MTG1: variants seen among roughly 807,000 people sequenced by gnomAD.
MTG1 encodes the protein mitochondrial ribosome associated GTPase 1.
MTG1 carries 30 observed loss-of-function variants against 39.5 expected under a neutral mutation model. That is an observed-to-expected ratio of 0.76 (90% CI 0.57 to 1.03). The LOEUF is 1.03. Ranked by LOEUF, MTG1 falls within the 50% of genes least tolerant of loss-of-function variation. The pLI is 0.00. For synonymous variants in MTG1, 217 were observed against 179.0 expected, an observed-to-expected ratio of 1.21 and a Z score of -1.69; for missense variants, 513 against 447.4, an observed-to-expected ratio of 1.15 and a Z score of -1.32.
At chr10:133,418,250 G>A (rs1371398877) in intron 9 of MTG1, among the ~76,000 whole-genome samples, 5 of 152,200 alleles carry the variant, frequency 3.3e-5, no homozygotes, top group Non-Finnish European at 4.4e-5. Context: ...CAAGTGATCC[G>A]TCCACCTTGG....
chr10:133,416,105 G>C (rs946793045), intron 9 of MTG1, among the ~76,000 whole-genome samples: 2 of 148,468 alleles, frequency 1.3e-5, no homozygotes, highest in African/African-American at 2.5e-5. Flanking sequence ...CTTTGTGCCT[G>C]TTTTGTGGTT....
intron 6 of MTG1, 123 bp downstream of exon 6, chr10:133,399,742 C>G: frequency 1.0e-6 from 1 of 958,998 alleles, no homozygotes; most frequent in Non-Finnish European, 1.6e-6. Context: ...CTGCTGACCC[C>G]GCAGCCCCAG....
intron 4 of MTG1, 99 bp from the exon 5 acceptor site, chr10:133,399,071 A>G: frequency 7.8e-7 from 1 of 1,281,516 alleles, no homozygotes; most frequent in South Asian, 1.2e-5. Context: ...GAAAGTGGAG[A>G]CACTGGAATC....
rs568715865 is a variant in MTG1, at chr10:133,411,788, G to C, written c.753-7692G>C. Among the ~76,000 whole-genome samples the C allele has an allele frequency of 5.3e-5, 8 of 149,758 alleles. No homozygotes were observed. The South Asian group carries it at 1.7e-3, about 32-fold the overall frequency. ...TTTTTTACTTCCAGGATTTCTGTTT[G>C]ATTTTTTTTTTTTAATTTCAATCTC... On this transcript the variant is annotated intron_variant, in intron 9 of 10. Coordinates refer to ENST00000317502, the MANE Select transcript of MTG1 (RefSeq NM_138384.4).
chr10:133,413,695 A>G (rs1850077814), intron 9 of MTG1, among the ~76,000 whole-genome samples: 2 of 152,192 alleles, frequency 1.3e-5, no homozygotes, highest in Admixed American at 1.3e-4. Context: ...TATGTCTTTA[A>G]GTGATGACCT....
chr10:133,415,968 CG>C (rs1458310361), intron 9 of MTG1, among the ~76,000 whole-genome samples: 2 of 99,714 alleles, frequency 2.0e-5, no homozygotes, highest in African/African-American at 3.2e-5. Flanking sequence ...ACGCGGGTGT[CG>C]GGCAGGCGGG....
rs560871049 is a variant in MTG1 at position 133,402,799 on chromosome 10, TG to T, written c.752+30del. On this transcript the variant is annotated intron_variant, in intron 9 of 10. Transcript: ENST00000317502. This position sits in a 1 kb window ranked among gnomAD's most constrained non-coding sequence, Gnocchi z 4.7. ...GTGAGTGCAGTGAATGCAGGGCAGC[TG>T]GGGCCCCTCCTCCTAGTCACCTCAT... The T allele has an allele frequency of 4.5e-3, 6,932 of 1,548,462 alleles. 50 individuals are homozygous for T. Among genetic ancestry groups the T allele is most frequent in the Non-Finnish European group, 4.0e-3 (4,585 of 1,142,622 alleles).
intron 6 of MTG1, among the ~76,000 whole-genome samples, chr10:133,400,616 A>G (rs2133496698): frequency 6.6e-6 from 1 of 152,296 alleles, no homozygotes; most frequent in East Asian, 1.9e-4. Flanking sequence ...TGTTACAGTC[A>G]TTTATTCTTT....
chr10:133,401,758 AGTC>A, intron 7 of MTG1, 168 bp downstream of exon 7: 1 of 729,370 alleles, frequency 1.4e-6, no homozygotes, highest in South Asian at 1.5e-5. Context: ...CTTATTCCAC[AGTC>A]GTCATAGTCT....
chr10:133,418,692 C>A (rs57816864), intron 9 of MTG1, among the ~76,000 whole-genome samples: 6,267 of 152,184 alleles, frequency 0.041, 403 homozygotes, highest in African/African-American at 0.14. Context: ...GGTCCGAGGG[C>A]ACCAGCCTCC....
rs772510315 is a variant in MTG1 at position 133,396,228 on chromosome 10, C to T, written c.243C>T (p.Val81=). 2.5e-6 allele frequency: 4 copies of T among 1,614,048 alleles called. No homozygotes were observed. The highest frequency in any genetic ancestry group is 3.4e-6 in the Non-Finnish European group (4 of 1,180,024). ...ETLGLKPHLL[V]LNKMDLADLT... ...TTGGGCTTAAGCCTCACTTGCTGGT[C>T]CTCAACAAGATGGACTTGGCGGATC... The change falls in exon 3 of 11, where the codon GTC becomes GTT. Residue 81 remains valine (V), a synonymous_variant. Transcript: ENST00000317502.
chr10:133,395,067 G>C (rs1163194430), intron 1 of MTG1, among the ~76,000 whole-genome samples: 1 of 152,204 alleles, frequency 6.6e-6, no homozygotes, highest in Non-Finnish European at 1.5e-5. Flanking sequence ...GGGGCCTAAT[G>C]AGCCAGTGTT....
In MTG1 at chr10:133,400,964, C is replaced by G. The variant is rs573431518; in HGVS notation, c.512-565C>G. 2.0e-5 allele frequency among the ~76,000 whole-genome samples: 3 copies of G among 152,326 alleles called. No homozygotes were observed. In the South Asian group the frequency reaches 6.2e-4, roughly 32 times the overall value. ...TGATCACCCCGTTGTGTGTACAGAC[C>G]ACATCCTGTCTTGTCCATTCATCTG... is the stretch of plus-strand genomic sequence containing the variant. On this transcript the variant is annotated intron_variant, in intron 6 of 10. Transcript: ENST00000317502.
chr10:133,415,983 C>CGGGCAGGCGGGTGTCA (rs541432761), intron 9 of MTG1, among the ~76,000 whole-genome samples: 4 of 102,574 alleles, frequency 3.9e-5, no homozygotes, highest in Admixed American at 3.4e-4. Flanking sequence ...AGGCGGGTGT[C>CGGGCAGGCGGGTGTCA]GGCACGCGGG....
At chr10:133,397,089 T>TG (rs1849794186) in intron 3 of MTG1, among the ~76,000 whole-genome samples, 2 of 152,376 alleles carry the variant, frequency 1.3e-5, no homozygotes, top group African/African-American at 4.8e-5. Flanking sequence ...CTCCCTGTGA[T>TG]GCTGTGCTTC....
intron 10 of MTG1, 113 bp from the exon 11 acceptor site, chr10:133,419,912 TG>T: frequency 7.8e-7 from 1 of 1,280,968 alleles, no homozygotes; most frequent in Non-Finnish European, 1.1e-6. Flanking sequence ...TCCCGTTCCC[TG>T]GGCTTCCCTG....
Position 133,407,320 on chromosome 10 carries a change from C to A in MTG1, c.752+4547C>A, listed in dbSNP as rs142234213. ...AAATTTTAGGATTGTTTTTCTATTT[C>A]TTTGCAGAGTGTCATTGCTATTTTG... On this transcript the variant is annotated intron_variant, in intron 9 of 10. Transcript: ENST00000317502. Among the ~76,000 whole-genome samples, 328 of 152,258 alleles carry A rather than the reference C, an allele frequency of 2.2e-3. 1 individual carries two copies. Among genetic ancestry groups the A allele is most frequent in the Non-Finnish European group, 4.1e-3 (281 of 68,014 alleles).
At chr10:133,397,530 G>A (rs932347202) in intron 3 of MTG1, among the ~76,000 whole-genome samples, 39 of 151,036 alleles carry the variant, frequency 2.6e-4, no homozygotes, top group African/African-American at 9.0e-4. Context: ...CCAGGCTGGA[G>A]TGCAGTGGCG....
chr10:133,394,209 G>T lies in MTG1; in HGVS notation c.-12G>T. 3 of 1,510,890 alleles carry T rather than the reference G, an allele frequency of 2.0e-6. No homozygotes were observed. The highest frequency in any genetic ancestry group is 2.6e-6 in the Non-Finnish European group (3 of 1,133,628). 93.6% of individuals were successfully genotyped at this position (1,510,890 alleles called of 1,614,324 possible). A position where few individuals can be genotyped will look rare whatever the true frequency, so the allele number is the denominator to read the frequency against. On this transcript the variant is annotated 5_prime_UTR_variant, in exon 1 of 11. Coordinates refer to ENST00000317502, the MANE Select transcript of MTG1 (RefSeq NM_138384.4). ...GGTCAGCTGCGGGAGCGTTTCCGGG[G>T]ACGGTGCCGCCATGAGATTGACCCC...
Sources: allele counts gnomAD v4.1 joint callset (sites outside exome capture counted in the v4.1 genomes callset), GRCh38; gene constraint gnomAD v4.1.1; non-coding constraint Gnocchi (gnomAD v3.1); transcripts MANE v1.5; gene names NCBI Gene and HGNC (gene_info 2026-07-23, HGNC 2026-07-21).